The following PPP2R5A variants were observed in gnomAD, a reference collection of about 807,000 sequenced individuals.
PPP2R5A encodes the protein protein phosphatase 2 regulatory subunit B'alpha.
In PPP2R5A, 25 loss-of-function variants were observed where a neutral mutation model predicts 64.2. The observed-to-expected ratio is 0.39, with a 90% CI of 0.28 to 0.54. The LOEUF (loss-of-function observed/expected upper bound fraction) is 0.54. Ranked by LOEUF, PPP2R5A falls within the 20% of genes least tolerant of loss-of-function variation. The pLI is 0.67. For missense variants in PPP2R5A, 425 were observed against 576.3 expected (o/e 0.74, Z 2.69); for synonymous variants, 198 against 201.2 (o/e 0.98, Z 0.13).
At chr1:212,360,376 A>T (rs895363203) in intron 12 of PPP2R5A, among the ~76,000 whole-genome samples, 8 of 152,234 alleles carry the variant, frequency 5.3e-5, no homozygotes, top group Non-Finnish European at 8.8e-5. Flanking sequence ...ACTATAAAGT[A>T]CAGTGTCATG....
chr1:212,347,492 T>C, intron 6 of PPP2R5A, 86 bp downstream of exon 6: 2 of 1,032,092 alleles, frequency 1.9e-6, no homozygotes, highest in South Asian at 1.4e-5. Context: ...GGAGAAATTA[T>C]GTCATATTTT....
chr1:212,342,377 G>GT (rs1659700670), intron 4 of PPP2R5A, 97 bp downstream of exon 4: 2 of 1,423,960 alleles, frequency 1.4e-6, no homozygotes, highest in South Asian at 1.5e-5. Context: ...AACTTTAATG[G>GT]TTTAATTTGA....
At chr1:212,332,072 A>G (rs1238741818) in intron 2 of PPP2R5A, among the ~76,000 whole-genome samples, 1 of 152,148 alleles carries the variant, frequency 6.6e-6, no homozygotes, top group Non-Finnish European at 1.5e-5. Flanking sequence ...CGCTCTTGTG[A>G]GATAGATTTC....
At chr1:212,304,400 A>G (rs1226868843) in intron 1 of PPP2R5A, among the ~76,000 whole-genome samples, 1 of 152,038 alleles carries the variant, frequency 6.6e-6, no homozygotes, top group Non-Finnish European at 1.5e-5. Flanking sequence ...AAAATACAAA[A>G]TTAGCCGGGG....
chr1:212,302,982 T>A (rs1309079571), intron 1 of PPP2R5A, among the ~76,000 whole-genome samples: 1 of 152,240 alleles, frequency 6.6e-6, no homozygotes, highest in Non-Finnish European at 1.5e-5. Flanking sequence ...ATGTTTTATT[T>A]ATCCATTCCT....
Position 212,348,501 on chromosome 1 carries a change from A to T in PPP2R5A, c.873+4A>T. 1 of 1,535,628 alleles carries T rather than the reference A, an allele frequency of 6.5e-7. No individual in the cohort carries two copies. The highest frequency in any genetic ancestry group is 8.9e-7 in the Non-Finnish European group (1 of 1,117,730). Reference sequence around the variant, plus strand: ...ATTAGCTTTGTTTCATGCTCAGGTAAGTTTCAGAAACATTTCAGATGAAAT... The same window carrying T: ...ATTAGCTTTGTTTCATGCTCAGGTATGTTTCAGAAACATTTCAGATGAAAT... On this transcript the variant is annotated splice_donor_region_variant and intron_variant, in intron 7 of 12. Transcript: ENST00000261461.
At chr1:212,327,151 ATAT>A (rs1659420393) in intron 1 of PPP2R5A, among the ~76,000 whole-genome samples, 1 of 152,210 alleles carries the variant, frequency 6.6e-6, no homozygotes, top group African/African-American at 2.4e-5. Context: ...CTGTATCTTT[ATAT>A]AAAGTATGTA....
chr1:212,348,333 T>C (rs1338849928), intron 6 of PPP2R5A, 56 bp from the exon 7 acceptor site: 14 of 1,140,106 alleles, frequency 1.2e-5, no homozygotes, highest in Non-Finnish European at 1.9e-5. Context: ...ATATGACAGC[T>C]TTTAGAAACA....
chr1:212,293,438 T>C (rs984402380), intron 1 of PPP2R5A, among the ~76,000 whole-genome samples: 6 of 152,204 alleles, frequency 3.9e-5, no homozygotes, highest in Non-Finnish European at 7.4e-5. Flanking sequence ...TATAATACTT[T>C]TAGTGTATTA....
chr1:212,317,337 G>A (rs1221392124), intron 1 of PPP2R5A, among the ~76,000 whole-genome samples: 1 of 84,634 alleles, frequency 1.2e-5, no homozygotes, highest in Non-Finnish European at 2.5e-5. Context: ...AATGGGTAAC[G>A]ATTTAGAATA....
intron 1 of PPP2R5A, among the ~76,000 whole-genome samples, chr1:212,319,714 G>T (rs1235376299): frequency 6.9e-6 from 1 of 144,184 alleles, no homozygotes; most frequent in Admixed American, 7.2e-5. Context: ...TCTGCCTCCC[G>T]GGTTCAAGCG....
At chr1:212,317,620 C>T (rs1194887654) in intron 1 of PPP2R5A, among the ~76,000 whole-genome samples, 2 of 151,986 alleles carry the variant, frequency 1.3e-5, no homozygotes, top group African/African-American at 2.4e-5. Flanking sequence ...GACCCACTAA[C>T]TTGATCTTAC....
intron 1 of PPP2R5A, among the ~76,000 whole-genome samples, chr1:212,305,009 G>T (rs1658869321): frequency 6.6e-6 from 1 of 150,446 alleles, no homozygotes; most frequent in South Asian, 2.1e-4. Flanking sequence ...GGGATTACAG[G>T]TGGGAGCTGC....
chr1:212,336,190 C>G (rs1456753804), intron 3 of PPP2R5A, among the ~76,000 whole-genome samples: 2 of 152,188 alleles, frequency 1.3e-5, no homozygotes, highest in African/African-American at 4.8e-5. Flanking sequence ...TCTCGGCTCA[C>G]TGCAACCTCC....
At chr1:212,344,128 C>T (rs1659734116) in intron 4 of PPP2R5A, among the ~76,000 whole-genome samples, 1 of 152,102 alleles carries the variant, frequency 6.6e-6, no homozygotes, top group African/African-American at 2.4e-5. Flanking sequence ...TGCCGACATG[C>T]CTGGCTAATT....
Position 212,348,414 on chromosome 1 carries a change from C to T in PPP2R5A, c.790C>T (p.Leu264=). ...TATTATCAATGGCTTTGCATTGCCA[C>T]TGAAAGCAGAACATAAACAATTTCT... is the stretch of plus-strand genomic sequence containing the variant. ...GSIINGFALP[L]KAEHKQFLMK... is the part of the protein sequence containing the mutation. The change falls in exon 7 of 13, where the codon CTG becomes TTG. Residue 264 remains leucine (L), a synonymous_variant. Coordinates refer to ENST00000261461, the MANE Select transcript of PPP2R5A (RefSeq NM_006243.4). The T allele has an allele frequency of 6.2e-7, 1 of 1,609,176 alleles. No homozygotes were observed.
Position 212,358,678 on chromosome 1 carries a change from C to A in PPP2R5A, c.1227-8C>A. The A allele has an allele frequency of 6.2e-7, 1 of 1,603,128 alleles. No individual in the cohort carries two copies. Among genetic ancestry groups the A allele is most frequent in the South Asian group, 1.1e-5 (1 of 89,980 alleles). Reference sequence around the variant, plus strand: ...TCATAACTCAGGACTGGCTCATTTTCATTTCAGGACCATTGTAGCACTGGT... The same window carrying A: ...TCATAACTCAGGACTGGCTCATTTTAATTTCAGGACCATTGTAGCACTGGT... On this transcript the variant is annotated splice_polypyrimidine_tract_variant and splice_region_variant and intron_variant, in intron 11 of 12. Coordinates refer to ENST00000261461, the MANE Select transcript of PPP2R5A (RefSeq NM_006243.4).
At chr1:212,288,868 A>T (rs56989320) in intron 1 of PPP2R5A, among the ~76,000 whole-genome samples, 10,365 of 62,544 alleles carry the variant, frequency 0.17, 1,153 homozygotes, top group African/African-American at 0.47. Context: ...CAGCCTGCTT[A>T]TGTTACTTTG....
At chr1:212,316,587 C>CTTTTTTT (rs751228809) in intron 1 of PPP2R5A, among the ~76,000 whole-genome samples, 12 of 36,688 alleles carry the variant, frequency 3.3e-4, no homozygotes, top group African/African-American at 4.0e-4. Flanking sequence ...TTGTGGGTGA[C>CTTTTTTT]TTTTTTTTTT....
Sources: allele counts gnomAD v4.1 joint callset (sites outside exome capture counted in the v4.1 genomes callset), GRCh38; gene constraint gnomAD v4.1.1; transcripts MANE v1.5; gene names NCBI Gene and HGNC (gene_info 2026-07-23, HGNC 2026-07-21).